Variants in RYR3 observed in about 807,000 individuals in gnomAD.
RYR3 encodes brain ryanodine receptor-calcium release channel.
Under a neutral mutation model 584.3 loss-of-function variants are expected in RYR3, and 207 were observed. The ratio of observed to expected loss-of-function variants is 0.35; its 90% CI spans 0.32 to 0.40. The LOEUF is 0.40. Ranked by LOEUF, RYR3 falls within the 10% of genes least tolerant of loss-of-function variation. The probability of loss-of-function intolerance (pLI) is 1.00; values close to 1 mark genes in which losing one functional copy is unlikely to be tolerated. For missense variants in RYR3, 5,616 were observed against 6,089.2 expected, an observed-to-expected ratio of 0.92 and a Z score of 2.59; for synonymous variants, 2,416 against 2,248.5, an observed-to-expected ratio of 1.07 and a Z score of -2.11.
intron 1 of RYR3, among the ~76,000 whole-genome samples, chr15:33,409,200 CTTCT>C (rs1386367994): frequency 6.6e-6 from 1 of 152,028 alleles, no homozygotes; most frequent in Admixed American, 6.6e-5. Context: ...AGAAATAGGC[CTTCT>C]TTAAGTTTTA....
At chr15:33,788,075 A>G in intron 66 of RYR3, 143 bp from the exon 67 acceptor site, 1 of 1,006,070 alleles carries the variant, frequency 9.9e-7, no homozygotes, top group Non-Finnish European at 1.5e-6. Context: ...GGGAAGTATC[A>G]AGGGGAAGAT....
chr15:33,804,414 C>T (rs1441611247), intron 69 of RYR3, among the ~76,000 whole-genome samples: 1 of 152,164 alleles, frequency 6.6e-6, no homozygotes, highest in African/African-American at 2.4e-5. Flanking sequence ...CTAAGTCTTG[C>T]CCCTGGCCCA....
rs1967350363 is a variant in RYR3, at chr15:33,311,798, C to T, written c.51+702C>T. 2.0e-5 allele frequency among the ~76,000 whole-genome samples: 3 copies of T among 152,252 alleles called. No homozygotes were observed. Among genetic ancestry groups the T allele is most frequent in the Admixed American group, 2.0e-4 (3 of 15,290 alleles). ...GACAGGGAAACCCCAGTCAGTGGCT[C>T]CGCGTCACTCAGGTCCCCTCCTTGA... On this transcript the variant is annotated intron_variant, in intron 1 of 103. Coordinates refer to ENST00000634891, the MANE Select transcript of RYR3 (RefSeq NM_001036.6). The surrounding 1 kb of genome is among the most constrained non-coding windows in gnomAD (Gnocchi z 4.4).
At chr15:33,321,610 T>G (rs1357852539) in intron 1 of RYR3, among the ~76,000 whole-genome samples, 1 of 152,194 alleles carries the variant, frequency 6.6e-6, no homozygotes, top group Non-Finnish European at 1.5e-5. Context: ...TTGATTAGTT[T>G]GGATCACCCT....
At chr15:33,380,706 T>A (rs2141186782) in intron 1 of RYR3, among the ~76,000 whole-genome samples, 1 of 152,330 alleles carries the variant, frequency 6.6e-6, no homozygotes, top group Non-Finnish European at 1.5e-5. Flanking sequence ...TCAGCTGGTG[T>A]GGGCTGTATG....
intron 8 of RYR3, 114 bp downstream of exon 8, chr15:33,543,829 C>A: frequency 1.3e-6 from 1 of 762,894 alleles, no homozygotes; most frequent in Non-Finnish European, 2.3e-6. Context: ...AGTCCATTGA[C>A]AAACCTTCCT....
At chr15:33,463,309 A>ATTC (rs1260696941) in intron 1 of RYR3, among the ~76,000 whole-genome samples, 4 of 152,152 alleles carry the variant, frequency 2.6e-5, no homozygotes, top group African/African-American at 9.7e-5. Context: ...TCTTCCATTC[A>ATTC]TTCTTCTCCA....
At chr15:33,411,102 T>A (rs2043373495) in intron 1 of RYR3, among the ~76,000 whole-genome samples, 1 of 152,176 alleles carries the variant, frequency 6.6e-6, no homozygotes, top group Non-Finnish European at 1.5e-5. Flanking sequence ...AGACCAACCC[T>A]ATCAGCCACC....
chr15:33,414,742 C>G (rs898200258), intron 1 of RYR3, among the ~76,000 whole-genome samples: 12 of 152,106 alleles, frequency 7.9e-5, no homozygotes, highest in Admixed American at 3.9e-4. Context: ...GTAGCTGGGA[C>G]TATAGGCACC....
At chr15:33,585,015 A>C (rs777046995) in intron 15 of RYR3, among the ~76,000 whole-genome samples, 1 of 151,998 alleles carries the variant, frequency 6.6e-6, no homozygotes, top group African/African-American at 2.4e-5. Flanking sequence ...ATCTGAGCCA[A>C]GAGTGTGGTC....
chr15:33,649,090 C>A lies in RYR3; in HGVS notation c.3997C>A (p.Arg1333Ser). 1 of 1,613,422 alleles carries A rather than the reference C, an allele frequency of 6.2e-7. No individual in the cohort carries two copies. The highest frequency in any genetic ancestry group is 8.5e-7 in the Non-Finnish European group (1 of 1,179,784). The change falls in exon 31 of 104, where the codon CGC (arginine) becomes AGC (serine). Residue 1333 changes from arginine (R) to serine (S), a missense_variant. Transcript: ENST00000634891. ...TCCACAGCAGTGCTACTACGCCATC[C>A]GCATCTTTGCTGGACAGGATCCATC... is the stretch of plus-strand genomic sequence containing the variant. ...HTTTQCYYAI[R>S]IFAGQDPSCV... is the part of the protein sequence containing the mutation.
chr15:33,426,377 A>G (rs1168646597), intron 1 of RYR3, among the ~76,000 whole-genome samples: 2 of 152,140 alleles, frequency 1.3e-5, no homozygotes, highest in African/African-American at 4.8e-5. Context: ...ATGATGTTGG[A>G]TCCAGGCTCA....
chr15:33,821,696 G>A, intron 80 of RYR3, 94 bp downstream of exon 80: 10 of 1,200,988 alleles, frequency 8.3e-6, no homozygotes, highest in Non-Finnish European at 1.2e-5. Flanking sequence ...TGCTACAGAG[G>A]GGAGCCACCC....
At chr15:33,840,936 G>A (rs922651033) in intron 90 of RYR3, 53 bp downstream of exon 90, 13 of 1,551,982 alleles carry the variant, frequency 8.4e-6, no homozygotes, top group South Asian at 3.4e-5. Context: ...ATAATTCTTA[G>A]GCCAGGCAGA....
intron 10 of RYR3, among the ~76,000 whole-genome samples, chr15:33,551,846 G>T (rs1459366029): frequency 6.6e-6 from 1 of 152,130 alleles, no homozygotes; most frequent in East Asian, 1.9e-4. Flanking sequence ...ATTTAGAGCA[G>T]TGCAACTTTC....
chr15:33,799,049 AT>A lies in RYR3; in HGVS notation c.9831-1712del, dbSNP rs143553070. 9.2e-3 allele frequency among the ~76,000 whole-genome samples: 1,392 copies of A among 150,942 alleles called. 18 individuals are homozygous for A. Among genetic ancestry groups the A allele is most frequent in the African/African-American group, 0.032 (1,314 of 41,224 alleles). On this transcript the variant is annotated intron_variant, in intron 67 of 103. Coordinates refer to ENST00000634891, the MANE Select transcript of RYR3 (RefSeq NM_001036.6). Reference sequence around the variant, plus strand: ...GGTTTTTTAGACCATTTTGAGACGCATTTTTTTTTAACTAAAGGAAGACAAT... The same window carrying A: ...GGTTTTTTAGACCATTTTGAGACGCATTTTTTTTAACTAAAGGAAGACAAT...
At chr15:33,490,732 T>C (rs906802327) in intron 2 of RYR3, among the ~76,000 whole-genome samples, 1 of 137,250 alleles carries the variant, frequency 7.3e-6, no homozygotes, top group African/African-American at 2.8e-5. Context: ...AGCTAAAGAG[T>C]ATTACTCTTG....
At chr15:33,369,003 A>G (rs1291625564) in intron 1 of RYR3, among the ~76,000 whole-genome samples, 1 of 152,186 alleles carries the variant, frequency 6.6e-6, no homozygotes, top group Non-Finnish European at 1.5e-5. Flanking sequence ...ACCAGCACTG[A>G]CAGACAGACT....
intron 1 of RYR3, among the ~76,000 whole-genome samples, chr15:33,355,750 C>T (rs1048943639): frequency 3.9e-5 from 6 of 152,200 alleles, no homozygotes; most frequent in Admixed American, 2.6e-4. Flanking sequence ...TGCTTCTCAT[C>T]CCTGATCCCC....
Sources: gnomAD v4.1 joint callset for allele counts (sites outside exome capture counted in the v4.1 genomes callset) on GRCh38, gnomAD v4.1.1 for gene constraint, Gnocchi (gnomAD v3.1) non-coding constraint, MANE v1.5 for transcripts, NCBI Gene and HGNC (gene_info 2026-07-23, HGNC 2026-07-21) for gene names.